TRIM9: variants seen among roughly 807,000 people sequenced by gnomAD.
The protein encoded by TRIM9 is E3 ubiquitin-protein ligase TRIM9.
In TRIM9, 26 loss-of-function variants were observed where a neutral mutation model predicts 78.3. The ratio of observed to expected loss-of-function variants is 0.33; its 90% CI spans 0.24 to 0.46. TRIM9 has a LOEUF of 0.46. Among genes scored for constraint, TRIM9 ranks in the 20% least tolerant of loss-of-function variants. TRIM9 has a pLI of 1.00. For missense variants in TRIM9, 787 were observed against 1,036.4 expected, an observed-to-expected ratio of 0.76 and a Z score of 3.30; for synonymous variants, 398 against 416.5, an observed-to-expected ratio of 0.96 and a Z score of 0.54.
At chr14:50,992,992 A>G (rs941502878) in intron 7 of TRIM9, among the ~76,000 whole-genome samples, 1 of 152,146 alleles carries the variant, frequency 6.6e-6, no homozygotes, top group Non-Finnish European at 1.5e-5. Context: ...TTTCCCTCCC[A>G]GTTAGGACAG....
chr14:51,087,954 C>G (rs776911357), intron 1 of TRIM9, among the ~76,000 whole-genome samples: 1 of 152,142 alleles, frequency 6.6e-6, no homozygotes, highest in African/African-American at 2.4e-5. Context: ...TAATATTCCT[C>G]ATGCCTAAAA....
chr14:51,006,385 T>C (rs1290622723), intron 5 of TRIM9, among the ~76,000 whole-genome samples: 1 of 152,156 alleles, frequency 6.6e-6, no homozygotes, highest in East Asian at 1.9e-4. Flanking sequence ...AATAAGAAGA[T>C]GAACGCCACA....
chr14:51,044,632 C>T lies in TRIM9; in HGVS notation c.823-19272G>A, dbSNP rs577307658. On this transcript the variant is annotated intron_variant, in intron 1 of 12. Coordinates refer to ENST00000684578, the MANE Select transcript of TRIM9 (RefSeq NM_001387360.1). Reference sequence around the variant, plus strand: ...AAACTTCAGGCCAAGGATTGTGGACCAGGAAGAAGTAACCTAAGTCCCGGA... The same window carrying T: ...AAACTTCAGGCCAAGGATTGTGGACTAGGAAGAAGTAACCTAAGTCCCGGA... 6.0e-4 allele frequency among the ~76,000 whole-genome samples: 92 copies of T among 152,272 alleles called. No individual in the cohort carries two copies. The South Asian group carries it at 0.018, about 30-fold the overall frequency.
intron 7 of TRIM9, chr14:50,996,763 G>A (rs1456910129): frequency 2.0e-6 from 2 of 985,294 alleles, no homozygotes; most frequent in African/African-American, 3.5e-5. Context: ...ATAATTCTGG[G>A]GGAAGCTGTA....
chr14:51,002,196 A>G (rs995835507), intron 5 of TRIM9, among the ~76,000 whole-genome samples: 4 of 152,004 alleles, frequency 2.6e-5, no homozygotes, highest in African/African-American at 9.7e-5. Context: ...ATCTCGGCTC[A>G]CTGCAAGCTC....
intron 6 of TRIM9, 83 bp from the exon 7 acceptor site, chr14:50,998,271 A>G (rs2054486715): frequency 2.3e-6 from 3 of 1,329,550 alleles, no homozygotes; most frequent in Admixed American, 1.9e-5. Context: ...AGTGGTTAGG[A>G]GCAAGAGCCC....
At chr14:51,077,366 T>A (rs2140280302) in intron 1 of TRIM9, among the ~76,000 whole-genome samples, 1 of 148,226 alleles carries the variant, frequency 6.7e-6, no homozygotes, top group South Asian at 2.2e-4. Context: ...GTCCTGGCCC[T>A]CAGTCTCATC....
At chr14:51,088,222 A>AGT (rs772972257) in intron 1 of TRIM9, among the ~76,000 whole-genome samples, 6 of 152,250 alleles carry the variant, frequency 3.9e-5, no homozygotes, top group Non-Finnish European at 7.3e-5. Context: ...TTACTAACTT[A>AGT]TTCACTAATA....
intron 1 of TRIM9, among the ~76,000 whole-genome samples, chr14:51,032,572 T>C (rs1471491050): frequency 1.3e-5 from 2 of 152,226 alleles, no homozygotes; most frequent in South Asian, 2.1e-4. Context: ...GTAGGATTGG[T>C]TGAGGCCATT....
At chr14:51,080,138 A>T (rs567164460) in intron 1 of TRIM9, among the ~76,000 whole-genome samples, 131 of 151,164 alleles carry the variant, frequency 8.7e-4, no homozygotes, top group African/African-American at 2.9e-3. Flanking sequence ...AACATCAACA[A>T]TTTTTTTTTC....
At chr14:51,007,829 GA>G (rs1480874644) in intron 5 of TRIM9, among the ~76,000 whole-genome samples, 2 of 141,844 alleles carry the variant, frequency 1.4e-5, no homozygotes, top group East Asian at 4.2e-4. Context: ...GACAAAATAA[GA>G]GAGAGCAAAA....
intron 1 of TRIM9, among the ~76,000 whole-genome samples, chr14:51,066,584 G>A (rs571716219): frequency 2.6e-4 from 39 of 152,240 alleles, no homozygotes; most frequent in East Asian, 1.9e-3. Context: ...TATATGAACT[G>A]TTAAAAGACA....
chr14:51,038,500 C>T (rs1280183669), intron 1 of TRIM9, among the ~76,000 whole-genome samples: 1 of 152,132 alleles, frequency 6.6e-6, no homozygotes, highest in African/African-American at 2.4e-5. Context: ...TAAACCTGCT[C>T]AGAATATGCA....
chr14:51,035,931 G>A (rs2059107984), intron 1 of TRIM9, among the ~76,000 whole-genome samples: 1 of 152,198 alleles, frequency 6.6e-6, no homozygotes, highest in East Asian at 1.9e-4. Flanking sequence ...ACAGAGCCTT[G>A]TACAGAGTAG....
intron 5 of TRIM9, among the ~76,000 whole-genome samples, chr14:51,005,307 T>C (rs2055629721): frequency 6.6e-6 from 1 of 152,146 alleles, no homozygotes; most frequent in Non-Finnish European, 1.5e-5. Flanking sequence ...TATATTCAAC[T>C]TGAGTCAATA....
rs2057898089 is a variant in TRIM9, at chr14:51,022,973, C to T, written c.919-16G>A. ...CACTGTTCTCCTGTGTAACAGAGCA[C>T]ATTTCTCAACTGCAAGCTGCTGGGT... On this transcript the variant is annotated splice_polypyrimidine_tract_variant and intron_variant, in intron 2 of 12. Transcript: ENST00000684578. The T allele has an allele frequency of 6.2e-7, 1 of 1,613,276 alleles. No individual in the cohort carries two copies. Among genetic ancestry groups the T allele is most frequent in the African/African-American group, 1.3e-5 (1 of 74,910 alleles).
intron 8 of TRIM9, among the ~76,000 whole-genome samples, chr14:50,985,622 T>G (rs1392128903): frequency 6.6e-6 from 1 of 152,168 alleles, no homozygotes; most frequent in Non-Finnish European, 1.5e-5. Context: ...TGGCCGCCAC[T>G]CAGCCAGCGC....
intron 1 of TRIM9, among the ~76,000 whole-genome samples, chr14:51,027,963 C>A (rs2058405389): frequency 6.6e-6 from 1 of 152,092 alleles, no homozygotes. Context: ...GATTTGGTTA[C>A]ACAGAAGTGA....
In TRIM9 at chr14:51,016,976, T is replaced by C. The variant is rs149678574; in HGVS notation, c.1041+5859A>G. On this transcript the variant is annotated intron_variant, in intron 3 of 12. Coordinates refer to ENST00000684578, the MANE Select transcript of TRIM9 (RefSeq NM_001387360.1). The stretch of plus-strand genomic sequence containing the variant: ...CCTTTTGATCAGGAGGGAGTTTCTA[T>C]GTGTCCCATTGTGTCCTAAAGCATG... Among the ~76,000 whole-genome samples the C allele has an allele frequency of 5.6e-4, 85 of 152,340 alleles. 2 individuals carry two copies. In the East Asian group the frequency reaches 0.014, roughly 26 times the overall value.
Sources: gnomAD v4.1 joint callset for allele counts (sites outside exome capture counted in the v4.1 genomes callset) on GRCh38, gnomAD v4.1.1 for gene constraint, MANE v1.5 for transcripts, NCBI Gene and HGNC (gene_info 2026-07-23, HGNC 2026-07-21) for gene names.